SUMF1: variants seen among roughly 807,000 people sequenced by gnomAD.
The protein encoded by SUMF1 is sulfatase modifying factor 1.
SUMF1 carries 48 observed loss-of-function variants against 47.6 expected under a neutral mutation model. The observed-to-expected ratio is 1.01, with a 90% CI of 0.80 to 1.28. SUMF1 has a LOEUF of 1.28. Ranked by LOEUF, SUMF1 falls within the 50% of genes most tolerant of loss-of-function variation. The probability of loss-of-function intolerance (pLI) is 0.00; values close to 1 mark genes in which losing one functional copy is unlikely to be tolerated. For synonymous variants in SUMF1, 230 were observed against 192.1 expected (o/e 1.20, Z -1.63); for missense variants, 571 against 485.4 (o/e 1.18, Z -1.66).
chr3:4,163,427 G>A (rs754721548), intron 8 of SUMF1, among the ~76,000 whole-genome samples: 2 of 88,632 alleles, frequency 2.3e-5, no homozygotes, highest in African/African-American at 7.9e-5. Flanking sequence ...AGGGAGGGAG[G>A]GAGGGAGGAT....
chr3:4,335,105 C>T (rs972359915), intron 8 of SUMF1, among the ~76,000 whole-genome samples: 1 of 152,042 alleles, frequency 6.6e-6, no homozygotes, highest in Non-Finnish European at 1.5e-5. Context: ...TAAGAGGGGA[C>T]CAGAAGTTGG....
chr3:4,178,779 T>C (rs1351025022), intron 8 of SUMF1, among the ~76,000 whole-genome samples: 1 of 152,168 alleles, frequency 6.6e-6, no homozygotes, highest in Non-Finnish European at 1.5e-5. Context: ...CATAATTGTA[T>C]ATTTAGAAAA....
chr3:4,318,985 C>A (rs977873396), intron 8 of SUMF1, among the ~76,000 whole-genome samples: 5 of 152,064 alleles, frequency 3.3e-5, no homozygotes, highest in African/African-American at 9.7e-5. Context: ...GAATAGACAT[C>A]AAAAATAAAC....
intron 8 of SUMF1, chr3:4,316,292 A>G (rs1698641767): frequency 9.6e-7 from 1 of 1,041,138 alleles, no homozygotes; most frequent in African/African-American, 1.6e-5. Context: ...AAGCAGCAGA[A>G]ACAACTCGCA....
chr3:4,164,853 A>G, intron 8 of SUMF1, among the ~76,000 whole-genome samples: 1 of 152,154 alleles, frequency 6.6e-6, no homozygotes, highest in East Asian at 1.9e-4. Context: ...TGAGTGAGTC[A>G]GGTGACAGGG....
chr3:4,067,243 C>T (rs902937221), intron 9 of SUMF1, among the ~76,000 whole-genome samples: 9 of 152,108 alleles, frequency 5.9e-5, no homozygotes, highest in African/African-American at 4.8e-5. Flanking sequence ...ATCAGTAAGA[C>T]AGGCCACTCT....
At chr3:4,450,662 C>T (rs1190163680) in intron 2 of SUMF1, among the ~76,000 whole-genome samples, 1 of 151,994 alleles carries the variant, frequency 6.6e-6, no homozygotes, top group Non-Finnish European at 1.5e-5. Context: ...AGCCAAACAA[C>T]GAATGGAAGA....
chr3:4,148,027 C>T (rs1326402583), intron 8 of SUMF1, among the ~76,000 whole-genome samples: 1 of 152,086 alleles, frequency 6.6e-6, no homozygotes, highest in Non-Finnish European at 1.5e-5. Flanking sequence ...CTTCCTTTGG[C>T]ACATTTTAAA....
intron 8 of SUMF1, among the ~76,000 whole-genome samples, chr3:4,274,562 T>C (rs2125039979): frequency 6.6e-6 from 1 of 152,282 alleles, no homozygotes; most frequent in South Asian, 2.1e-4. Flanking sequence ...ATAAACAAGA[T>C]AATACAAAAA....
chr3:4,043,191 G>A (rs1183933064), intron 9 of SUMF1, among the ~76,000 whole-genome samples: 2 of 151,970 alleles, frequency 1.3e-5, no homozygotes, highest in Non-Finnish European at 2.9e-5. Context: ...ATGAACACTG[G>A]ATCCCCATGC....
At chr3:4,449,508 C>G (rs1287767768) in intron 2 of SUMF1, among the ~76,000 whole-genome samples, 168 bp from the exon 3 acceptor site, 1 of 152,220 alleles carries the variant, frequency 6.6e-6, no homozygotes. Context: ...CTCTGGCTTC[C>G]TCTTAAATTA....
chr3:4,111,500 A>T (rs1693305976), intron 8 of SUMF1, among the ~76,000 whole-genome samples: 1 of 152,084 alleles, frequency 6.6e-6, no homozygotes, highest in African/African-American at 2.4e-5. Context: ...CGGGTGGATC[A>T]CGAGGTCAAG....
At chr3:4,317,784 G>C (rs1051652305) in intron 8 of SUMF1, among the ~76,000 whole-genome samples, 1 of 152,154 alleles carries the variant, frequency 6.6e-6, no homozygotes, top group Non-Finnish European at 1.5e-5. Context: ...AGTTTCCTTA[G>C]TTGGGAAGAT....
chr3:4,098,496 T>C (rs1352188510), intron 8 of SUMF1, among the ~76,000 whole-genome samples: 1 of 152,158 alleles, frequency 6.6e-6, no homozygotes, highest in Admixed American at 6.5e-5. Flanking sequence ...CTTGTATTCT[T>C]CTATCTCCAG....
At chr3:4,313,600 T>G in intron 8 of SUMF1, 1 of 1,614,074 alleles carries the variant, frequency 6.2e-7, no homozygotes, top group Non-Finnish European at 8.5e-7. Flanking sequence ...AAGGAAACCT[T>G]GTTACTGTGG....
chr3:4,287,627 G>A (rs1179164003), intron 8 of SUMF1, among the ~76,000 whole-genome samples: 1 of 152,140 alleles, frequency 6.6e-6, no homozygotes, highest in Non-Finnish European at 1.5e-5. Context: ...ACAATCTAAT[G>A]TTGAAACCAT....
intron 8 of SUMF1, among the ~76,000 whole-genome samples, chr3:4,367,098 C>A (rs1031809569): frequency 6.6e-6 from 1 of 152,018 alleles, no homozygotes; most frequent in Non-Finnish European, 1.5e-5. Context: ...AGAGGAGTAC[C>A]CGGCCGTGTG....
At chr3:4,155,646 G>T (rs999044039) in intron 8 of SUMF1, among the ~76,000 whole-genome samples, 3 of 151,356 alleles carry the variant, frequency 2.0e-5, no homozygotes, top group African/African-American at 7.4e-5. Flanking sequence ...TTTAAACCTG[G>T]CTCCTAGCCT....
At chr3:4,316,546 A>G (rs1351945398) in intron 8 of SUMF1, 20 of 1,561,308 alleles carry the variant, frequency 1.3e-5, no homozygotes, top group Non-Finnish European at 1.6e-5. Flanking sequence ...CAAATTGGAA[A>G]GGTGAAAAAG....
Sources: gnomAD v4.1 joint callset for allele counts (sites outside exome capture counted in the v4.1 genomes callset) on GRCh38, gnomAD v4.1.1 for gene constraint, MANE v1.5 for transcripts, NCBI Gene and HGNC (gene_info 2026-07-23, HGNC 2026-07-21) for gene names.